The following PRKAG2 variants were observed in gnomAD, a reference collection of about 807,000 sequenced individuals.
PRKAG2 encodes protein kinase AMP-activated non-catalytic subunit gamma 2.
PRKAG2 carries 26 observed loss-of-function variants against 69.6 expected under a neutral mutation model. The observed-to-expected ratio is 0.37, with a 90% CI of 0.27 to 0.52. The LOEUF (loss-of-function observed/expected upper bound fraction) is 0.52. Among genes scored for constraint, PRKAG2 ranks in the 20% least tolerant of loss-of-function variants. The pLI, the probability that PRKAG2 is intolerant of heterozygous loss-of-function variation, is 0.90. For missense variants in PRKAG2, 557 were observed against 740.0 expected (o/e 0.75, Z 2.87); for synonymous variants, 293 against 285.0 (o/e 1.03, Z -0.28).
At chr7:151,867,412 C>A (rs1481105521) in intron 1 of PRKAG2, among the ~76,000 whole-genome samples, 1 of 152,200 alleles carries the variant, frequency 6.6e-6, no homozygotes, top group African/African-American at 2.4e-5. Context: ...CCTCTTCCAC[C>A]CTTCAGCGGC....
intron 6 of PRKAG2, among the ~76,000 whole-genome samples, chr7:151,579,562 G>A (rs530861199): frequency 1.4e-4 from 22 of 152,246 alleles, no homozygotes; most frequent in African/African-American, 4.8e-4. Context: ...CATCAACACG[G>A]GGTGGATTCT....
At chr7:151,581,588 TA>T (rs11286835) in intron 6 of PRKAG2, among the ~76,000 whole-genome samples, 25,211 of 152,108 alleles carry the variant, frequency 0.17, 2,373 homozygotes, top group East Asian at 0.27. Flanking sequence ...TGTAATAATT[TA>T]AAAAAACCCA....
At chr7:151,649,027 T>C (rs1380961938) in intron 4 of PRKAG2, among the ~76,000 whole-genome samples, 4 of 152,214 alleles carry the variant, frequency 2.6e-5, no homozygotes, top group East Asian at 1.9e-4. Flanking sequence ...AGGAATGTTC[T>C]TGTCACTAAA....
intron 3 of PRKAG2, among the ~76,000 whole-genome samples, chr7:151,704,252 A>T (rs1446823213): frequency 6.6e-6 from 1 of 152,230 alleles, no homozygotes; most frequent in African/African-American, 2.4e-5. Flanking sequence ...CAATTAAGTT[A>T]TTATTCACTA....
chr7:151,632,088 C>T lies in PRKAG2; in HGVS notation c.735G>A (p.Lys245=), dbSNP rs2151325064. ...LGPAEAGMLE[K]LEFEDEAVED... is the part of the protein sequence containing the mutation. ...ACTCACCTTCGTCCTCGAACTCCAGCTTCTCCAGCATGCCGGCTTCCGCGG... is the reference window on the plus strand; with the variant it reads ...ACTCACCTTCGTCCTCGAACTCCAGTTTCTCCAGCATGCCGGCTTCCGCGG... The change falls in exon 5 of 16, where the codon AAG becomes AAA. Residue 245 remains lysine, a synonymous_variant. Coordinates refer to ENST00000287878, the MANE Select transcript of PRKAG2 (RefSeq NM_016203.4). The surrounding 1 kb of genome is among the most constrained non-coding windows in gnomAD (Gnocchi z 4.2). The T allele has an allele frequency of 2.1e-6, 3 of 1,417,038 alleles. No individual in the cohort carries two copies. The highest frequency in any genetic ancestry group is 1.4e-5 in the South Asian group (1 of 73,590). The allele number at this position is 1,417,038 out of a possible 1,614,324, so 87.8% of individuals were successfully genotyped here. A position where few individuals can be genotyped will look rare whatever the true frequency, so the allele number is the denominator to read the frequency against.
At position 151,781,161 on chromosome 7, in the gene PRKAG2, A is replaced by G. The variant is rs759612926; in HGVS notation, c.457T>C (p.Ser153Pro). Residue 153 changes from serine to proline, a missense_variant, in exon 3 of 16, where the codon TCC becomes CCC. By Grantham distance (74) the Ser-to-Pro change is moderately conservative. This residue lies in a region of PRKAG2 where 352 missense variants were observed against 356.7 expected (regional missense o/e 0.99). Coordinates refer to ENST00000287878, the MANE Select transcript of PRKAG2 (RefSeq NM_016203.4). This position sits in a 1 kb window ranked among gnomAD's most constrained non-coding sequence, Gnocchi z 6.1. Reference sequence around the variant, plus strand: ...AGCATCAAGGTCTTACTTTTTCTGGAGCGGGAGAAAAACCTGATGCCCCCG... The same window carrying G: ...AGCATCAAGGTCTTACTTTTTCTGGGGCGGGAGAAAAACCTGATGCCCCCG... ...SPGGIRFFSR[S>P]RKTSGLSSSP... is the part of the protein sequence containing the mutation. The G allele has an allele frequency of 1.9e-6, 3 of 1,613,868 alleles. No individual in the cohort carries two copies. Among genetic ancestry groups the G allele is most frequent in the Non-Finnish European group, 2.5e-6 (3 of 1,180,012 alleles).
At chr7:151,808,951 C>T (rs182130257) in intron 1 of PRKAG2, among the ~76,000 whole-genome samples, 52 of 152,244 alleles carry the variant, frequency 3.4e-4, no homozygotes, top group Middle Eastern at 3.4e-3. Flanking sequence ...GGTGGGAGCA[C>T]GGTTCTCTCC....
intron 4 of PRKAG2, among the ~76,000 whole-genome samples, chr7:151,659,369 C>T (rs984163104): frequency 3.3e-5 from 5 of 152,138 alleles, no homozygotes; most frequent in African/African-American, 4.8e-5. Context: ...GCATGTCCAC[C>T]ACTCCCATTT....
At chr7:151,656,400 A>G (rs1353949574) in intron 4 of PRKAG2, among the ~76,000 whole-genome samples, 2 of 152,142 alleles carry the variant, frequency 1.3e-5, no homozygotes, top group Non-Finnish European at 2.9e-5. Flanking sequence ...TACTAATAAT[A>G]CAAACATTAG....
intron 3 of PRKAG2, among the ~76,000 whole-genome samples, chr7:151,775,816 CTG>C (rs2076314373): frequency 6.6e-6 from 1 of 152,166 alleles, no homozygotes; most frequent in Admixed American, 6.5e-5. Context: ...TTTCACGGGG[CTG>C]TTTCTTCCCA....
intron 1 of PRKAG2, among the ~76,000 whole-genome samples, chr7:151,821,808 T>C (rs1334943892): frequency 1.3e-5 from 2 of 152,228 alleles, no homozygotes; most frequent in Non-Finnish European, 2.9e-5. Context: ...TCATTTAGCC[T>C]CTCTATGCCT....
At chr7:151,660,734 G>A (rs1830190333) in intron 4 of PRKAG2, among the ~76,000 whole-genome samples, 1 of 152,192 alleles carries the variant, frequency 6.6e-6, no homozygotes. Flanking sequence ...TCTGTTATCT[G>A]TCCATTTCTG....
chr7:151,610,735 TTTTC>T (rs1206496647), intron 5 of PRKAG2, among the ~76,000 whole-genome samples: 2 of 86,792 alleles, frequency 2.3e-5, no homozygotes, highest in Non-Finnish European at 4.7e-5. Flanking sequence ...ATATTTTTTC[TTTTC>T]TTTTTTTTTT....
At chr7:151,703,911 A>ACACACACACACACACACACAC (rs1563476709) in intron 3 of PRKAG2, among the ~76,000 whole-genome samples, 2 of 103,714 alleles carry the variant, frequency 1.9e-5, no homozygotes, top group South Asian at 3.1e-4. Context: ...CACACACACA[A>ACACACACACACACACACACAC]ATTAGCTAGG....
rs114403594 is a variant in PRKAG2, at chr7:151,708,632, C to T, written c.467-32995G>A. Among the ~76,000 whole-genome samples the T allele has an allele frequency of 1.6e-3, 242 of 152,232 alleles. 2 individuals are homozygous for T. Among genetic ancestry groups the T allele is most frequent in the African/African-American group, 5.6e-3 (232 of 41,530 alleles). The stretch of plus-strand genomic sequence containing the variant: ...CTGGCAAGTGAGGATACACTGTCCA[C>T]GTGGAGGGCTTTCCTGTCGTACCCC... On this transcript the variant is annotated intron_variant, in intron 3 of 15. Transcript: ENST00000287878.
At chr7:151,653,790 T>C (rs1298651139) in intron 4 of PRKAG2, among the ~76,000 whole-genome samples, 1 of 152,162 alleles carries the variant, frequency 6.6e-6, no homozygotes, top group East Asian at 1.9e-4. Flanking sequence ...TGCAGTGAGC[T>C]GAGATTGTGT....
chr7:151,759,573 C>T (rs1271366645), intron 3 of PRKAG2, among the ~76,000 whole-genome samples: 5 of 152,312 alleles, frequency 3.3e-5, no homozygotes, highest in Non-Finnish European at 5.9e-5. Flanking sequence ...TATCCTTGTC[C>T]GCTCCTAACA....
intron 4 of PRKAG2, among the ~76,000 whole-genome samples, chr7:151,662,798 G>A (rs1490577260): frequency 6.6e-6 from 1 of 152,034 alleles, no homozygotes; most frequent in African/African-American, 2.4e-5. Flanking sequence ...AGCTACTTAG[G>A]AGGCTACTCA....
At position 151,671,442 on chromosome 7, in the gene PRKAG2, T is replaced by C. The variant is rs529062549; in HGVS notation, c.684+3978A>G. 2.4e-3 allele frequency among the ~76,000 whole-genome samples: 367 copies of C among 152,270 alleles called. 1 individual carries two copies. Among genetic ancestry groups the C allele is most frequent in the Admixed American group, 6.1e-3 (93 of 15,294 alleles). On this transcript the variant is annotated intron_variant, in intron 4 of 15. Coordinates refer to ENST00000287878, the MANE Select transcript of PRKAG2 (RefSeq NM_016203.4). ...AAATTAACAGAATCAGCCAAGCACA[T>C]AAGGAACTTAGCACATAAAGATACT...
Sources: gnomAD v4.1 joint callset for allele counts (sites outside exome capture counted in the v4.1 genomes callset) on GRCh38, gnomAD v4.1.1 for gene constraint, gnomAD v4.1.1 regional missense constraint, Gnocchi (gnomAD v3.1) non-coding constraint, MANE v1.5 for transcripts, NCBI Gene and HGNC (gene_info 2026-07-23, HGNC 2026-07-21) for gene names.